The following CISD2 variants were observed in gnomAD, a reference collection of about 807,000 sequenced individuals.
The protein encoded by CISD2 is CDGSH iron sulfur domain 2, also known as CDGSH iron-sulfur domain-containing protein 2.
A neutral mutation model predicts 12.9 loss-of-function variants in CISD2; 1 was observed. The observed-to-expected ratio is 0.08, with a 90% CI of 0.03 to 0.37. The LOEUF (loss-of-function observed/expected upper bound fraction) is 0.37. Among genes scored for constraint, CISD2 ranks in the 10% least tolerant of loss-of-function variants. The pLI is 0.99. For synonymous variants in CISD2, 50 were observed against 60.6 expected, an observed-to-expected ratio of 0.83 and a Z score of 0.81; for missense variants, 97 against 163.1, an observed-to-expected ratio of 0.59 and a Z score of 2.21.
At chr4:102,875,530 G>A (rs182731670) in intron 1 of CISD2, among the ~76,000 whole-genome samples, 7 of 152,262 alleles carry the variant, frequency 4.6e-5, no homozygotes, top group Admixed American at 4.6e-4. Context: ...ATTTTAAGTA[G>A]TCTTCCTGTA....
rs1734244593 is a variant in CISD2, at chr4:102,891,431, TCTGCATA to T, written c.*4003_*4009del. 1 of 152,218 alleles carries T rather than the reference TCTGCATA, an allele frequency of 6.6e-6. No homozygotes were observed. Among genetic ancestry groups the T allele is most frequent in the Non-Finnish European group, 1.5e-5 (1 of 68,038 alleles). 9.4% of individuals were successfully genotyped at this position (152,218 alleles called of 1,614,324 possible). On this transcript the variant is annotated 3_prime_UTR_variant, in exon 3 of 3. Coordinates refer to ENST00000273986, the MANE Select transcript of CISD2 (RefSeq NM_001008388.5). ...AGCAGCTTGAGACAATTTATAGGAT[TCTGCATA>T]CAACTGTCTCTGAGGACATCACTGT...
intron 1 of CISD2, among the ~76,000 whole-genome samples, chr4:102,875,895 G>A (rs1055373978): frequency 1.2e-4 from 19 of 152,122 alleles, no homozygotes; most frequent in South Asian, 4.1e-4. Context: ...AAAATTCTGC[G>A]CTCAAGTGCT....
intron 1 of CISD2, among the ~76,000 whole-genome samples, chr4:102,880,321 T>C (rs1191361466): frequency 3.3e-5 from 5 of 152,202 alleles, no homozygotes; most frequent in Non-Finnish European, 7.3e-5. Context: ...CCAACTGATA[T>C]TAAGGAGTTG....
chr4:102,876,130 A>G (rs1198179663), intron 1 of CISD2, among the ~76,000 whole-genome samples: 1 of 152,132 alleles, frequency 6.6e-6, no homozygotes, highest in Non-Finnish European at 1.5e-5. Flanking sequence ...TATATACCCT[A>G]TGAGAGAAGG....
Position 102,885,293 on chromosome 4 carries a change from C to T in CISD2, c.181C>T (p.Pro61Ser). 2.5e-6 allele frequency: 4 copies of T among 1,613,978 alleles called. No homozygotes were observed. Among genetic ancestry groups the T allele is most frequent in the Non-Finnish European group, 3.4e-6 (4 of 1,179,958 alleles). ...LGYLAVRPFL[P>S]KKKQQKDSLI... ...CTACCTTGCAGTTCGTCCATTCCTC[C>T]CGAAGAAGAAACAACAGAAGGATAG... Residue 61 changes from proline (P) to serine (S), a missense_variant, in exon 2 of 3, where the codon CCG becomes TCG. Pro to Ser is a moderately conservative substitution (Grantham distance 74, BLOSUM62 -1). Around this residue, in one of 2 missense-constraint regions of CISD2, gnomAD observed 89 missense variants for 114.4 expected, o/e 0.78. Transcript: ENST00000273986.
rs1456758832 is a variant in CISD2, at chr4:102,892,327, T to G, written c.*4897T>G. 1 of 152,258 alleles carries G rather than the reference T, an allele frequency of 6.6e-6. No individual in the cohort carries two copies. Among genetic ancestry groups the G allele is most frequent in the Non-Finnish European group, 1.5e-5 (1 of 68,064 alleles). 9.4% of individuals were successfully genotyped at this position (152,258 alleles called of 1,614,324 possible). On this transcript the variant is annotated 3_prime_UTR_variant, in exon 3 of 3. Coordinates refer to ENST00000273986, the MANE Select transcript of CISD2 (RefSeq NM_001008388.5). ...CCCTGCCTCAGCACTCCCAAAGTGC[T>G]GGGATTGCAGGCATGAGCAACCATG...
intron 1 of CISD2, among the ~76,000 whole-genome samples, chr4:102,876,340 G>T (rs1733591352): frequency 6.6e-6 from 1 of 152,152 alleles, no homozygotes; most frequent in African/African-American, 2.4e-5. Flanking sequence ...CCTGTTATGT[G>T]CAAATTACTA....
At chr4:102,877,732 TA>T (rs1349011808) in intron 1 of CISD2, among the ~76,000 whole-genome samples, 1 of 152,228 alleles carries the variant, frequency 6.6e-6, no homozygotes. Context: ...GGTGTTTCCA[TA>T]CATCCTTTGA....
Position 102,885,199 on chromosome 4 carries a change from C to T in CISD2, c.104-17C>T, listed in dbSNP as rs554973807. ...TTTCCAAGAGCACTGCAGATTCTGACACATCTACATGTTTAGTTTCAGAAT... is the reference window on the plus strand; with the variant it reads ...TTTCCAAGAGCACTGCAGATTCTGATACATCTACATGTTTAGTTTCAGAAT... On this transcript the variant is annotated splice_polypyrimidine_tract_variant and intron_variant, in intron 1 of 2. Coordinates refer to ENST00000273986, the MANE Select transcript of CISD2 (RefSeq NM_001008388.5). The T allele has an allele frequency of 1.3e-6, 2 of 1,595,116 alleles. No homozygotes were observed. The highest frequency in any genetic ancestry group is 1.3e-5 in the African/African-American group (1 of 74,636).
chr4:102,884,621 A>G (rs1733816394), intron 1 of CISD2, among the ~76,000 whole-genome samples: 1 of 152,226 alleles, frequency 6.6e-6, no homozygotes, highest in South Asian at 2.1e-4. Context: ...AAGGCTTTAA[A>G]TGAAGTTTAT....
Position 102,869,030 on chromosome 4 carries a change from G to C in CISD2, c.-55G>C. On this transcript the variant is annotated 5_prime_UTR_variant, in exon 1 of 3. Transcript: ENST00000273986. ...CGCTTCCGCTCCCGGCGCAGGCGCGGCAGCTTGGCCAGAGCGGAGGGGGCT... is the reference window on the plus strand; with the variant it reads ...CGCTTCCGCTCCCGGCGCAGGCGCGCCAGCTTGGCCAGAGCGGAGGGGGCT... 1 of 1,530,888 alleles carries C rather than the reference G, an allele frequency of 6.5e-7. No individual in the cohort carries two copies. The highest frequency in any genetic ancestry group is 1.2e-5 in the South Asian group (1 of 82,144). The allele number at this position is 1,530,888 out of a possible 1,614,324, so 94.8% of individuals were successfully genotyped here.
chr4:102,871,524 T>C (rs1182579415), intron 1 of CISD2, among the ~76,000 whole-genome samples: 2 of 152,194 alleles, frequency 1.3e-5, no homozygotes, highest in African/African-American at 2.4e-5. Flanking sequence ...TTGTAATAAC[T>C]GGTTTATGAA....
chr4:102,870,840 G>A (rs1449597239), intron 1 of CISD2, among the ~76,000 whole-genome samples: 1 of 152,036 alleles, frequency 6.6e-6, no homozygotes. Context: ...ATCACAATGG[G>A]CCTAACCATT....
chr4:102,880,665 G>A (rs115519951), intron 1 of CISD2, among the ~76,000 whole-genome samples: 2,472 of 151,734 alleles, frequency 0.016, 62 homozygotes, highest in African/African-American at 0.054. Flanking sequence ...GTGACAGAGT[G>A]AGACTATCTC....
intron 1 of CISD2, chr4:102,869,421 A>G: frequency 1.4e-6 from 1 of 710,426 alleles, no homozygotes. Context: ...CTCCGGTGTC[A>G]TTCCGTGGCA....
intron 1 of CISD2, among the ~76,000 whole-genome samples, chr4:102,871,713 AC>A (rs1365395681): frequency 6.6e-6 from 1 of 152,236 alleles, no homozygotes; most frequent in East Asian, 1.9e-4. Context: ...CATAATGTAC[AC>A]TTTTGTTAAA....
At chr4:102,878,553 G>C (rs1039036139) in intron 1 of CISD2, among the ~76,000 whole-genome samples, 2 of 152,190 alleles carry the variant, frequency 1.3e-5, no homozygotes, top group East Asian at 3.8e-4. Context: ...AGTCTCTTGG[G>C]CAGGGGCAAA....
At chr4:102,882,904 G>T (rs148128742) in intron 1 of CISD2, 2,445 of 152,154 alleles carry the variant, frequency 0.016, 28 homozygotes, top group Middle Eastern at 0.061. Flanking sequence ...CTGCCACCAC[G>T]CCTGGATAAT....
Position 102,869,156 on chromosome 4 carries a change from T to C in CISD2, c.72T>C (p.Pro24=). Residue 24 remains proline (P), a synonymous_variant, in exon 1 of 3, where the codon CCT becomes CCC. Coordinates refer to ENST00000273986, the MANE Select transcript of CISD2 (RefSeq NM_001008388.5). ...LPAYLKRLPV[P]ESITGFARLT... is the part of the protein sequence containing the mutation. ...CATATCTGAAGCGGCTCCCAGTCCC[T>C]GAAAGCATTACCGGGTTCGCTAGGC... is the stretch of plus-strand genomic sequence containing the variant. 1 of 1,612,032 alleles carries C rather than the reference T, an allele frequency of 6.2e-7. No individual in the cohort carries two copies. Among genetic ancestry groups the C allele is most frequent in the Non-Finnish European group, 8.5e-7 (1 of 1,179,212 alleles).
Sources: gnomAD v4.1 joint callset for allele counts (sites outside exome capture counted in the v4.1 genomes callset) on GRCh38, gnomAD v4.1.1 for gene constraint, gnomAD v4.1.1 regional missense constraint, MANE v1.5 for transcripts, NCBI Gene and HGNC (gene_info 2026-07-23, HGNC 2026-07-21) for gene names.